The following MYO19 variants were observed in gnomAD, a reference collection of about 807,000 sequenced individuals.
The protein encoded by MYO19 is myosin XIX, also known as unconventional myosin-XIX.
Under a neutral mutation model 129.2 loss-of-function variants are expected in MYO19, and 132 were observed. That is an observed-to-expected ratio of 1.02 (90% confidence interval 0.89 to 1.18). The LOEUF is 1.18. MYO19 is among the 50% of genes most tolerant of loss of function. MYO19 has a pLI of 0.00. For synonymous variants in MYO19, 531 were observed against 477.2 expected (o/e 1.11, Z -1.47); for missense variants, 1,210 against 1,216.7 (o/e 0.99, Z 0.08).
chr17:36,505,201 G>T, intron 19 of MYO19, 96 bp downstream of exon 19: 1 of 1,097,688 alleles, frequency 9.1e-7, no homozygotes, highest in Non-Finnish European at 1.4e-6. Flanking sequence ...CCACTTCTGT[G>T]CACTCCATTT....
rs749638558 is a variant in MYO19 at position 36,515,845 on chromosome 17, A to C, written c.547+13T>G. ...ATGGGACTGAGATACTGTGCAAAGG[A>C]GCCCAAGCTCACCAAAAGCTTCCAT... On this transcript the variant is annotated intron_variant, in intron 7 of 25. Coordinates refer to ENST00000614623, the MANE Select transcript of MYO19 (RefSeq NM_001163735.2). 3.1e-5 allele frequency: 50 copies of C among 1,608,358 alleles called. No homozygotes were observed. The highest frequency in any genetic ancestry group is 3.9e-5 in the Non-Finnish European group (46 of 1,175,532).
intron 8 of MYO19, 71 bp downstream of exon 8, chr17:36,515,042 G>A: frequency 6.9e-7 from 1 of 1,457,258 alleles, no homozygotes; most frequent in Non-Finnish European, 9.4e-7. Context: ...GCCCAGGCCA[G>A]ATACTGCCCC....
At chr17:36,538,059 G>A (rs1342806827), upstream of MYO19, 31 of 1,614,144 alleles carry the variant, frequency 1.9e-5, no homozygotes, top group Non-Finnish European at 2.6e-5. Context: ...CATGGCTGGT[G>A]TGCAAACAGG....
At chr17:36,511,546 A>G in intron 11 of MYO19, 91 bp from the exon 12 acceptor site, 3 of 1,147,454 alleles carry the variant, frequency 2.6e-6, no homozygotes, top group Non-Finnish European at 3.8e-6. Context: ...CAATCACGAC[A>G]GCAGAAGGGC....
intron 9 of MYO19, 85 bp downstream of exon 9, chr17:36,514,361 G>A (rs962544746): frequency 5.8e-6 from 5 of 866,242 alleles, no homozygotes; most frequent in East Asian, 4.8e-5. Context: ...ACCAGGTATG[G>A]AGCATTCTGG....
intron 5 of MYO19, among the ~76,000 whole-genome samples, chr17:36,526,298 C>T (rs1283780971): frequency 3.3e-5 from 5 of 152,130 alleles, no homozygotes; most frequent in Non-Finnish European, 7.4e-5. Flanking sequence ...TCTCTGCCTG[C>T]TATGGTGCTT....
chr17:36,542,318 G>A (rs2142634250), intron 1 of MYO19: 1 of 152,274 alleles, frequency 6.6e-6, no homozygotes, highest in South Asian at 2.1e-4. Context: ...CCTGGCGTGT[G>A]TTCAGTAGTC....
chr17:36,504,245 G>C, intron 19 of MYO19: 3 of 498,038 alleles, frequency 6.0e-6, no homozygotes, highest in Non-Finnish European at 1.1e-5. Context: ...CCCCTCATCC[G>C]ACGCATGGCT....
In MYO19 at chr17:36,495,675, A is replaced by G. The variant is rs970360892; in HGVS notation, c.*576T>C. On this transcript the variant is annotated 3_prime_UTR_variant, in exon 26 of 26. Coordinates refer to ENST00000614623, the MANE Select transcript of MYO19 (RefSeq NM_001163735.2). The stretch of plus-strand genomic sequence containing the variant: ...TTTACTTTTGGTACAGTTGATAGAC[A>G]TCATAAACGATATCAAGCTTACACT... 4.7e-6 allele frequency: 6 copies of G among 1,272,114 alleles called. No homozygotes were observed. The highest frequency in any genetic ancestry group is 4.0e-6 in the Non-Finnish European group (4 of 1,011,888). 78.8% of individuals were successfully genotyped at this position (1,272,114 alleles called of 1,614,324 possible). A position where few individuals can be genotyped will look rare whatever the true frequency, so the allele number is the denominator to read the frequency against.
At chr17:36,518,492 A>G in intron 6 of MYO19, among the ~76,000 whole-genome samples, 9 of 3,346 alleles carry the variant, frequency 2.7e-3, no homozygotes, top group African/African-American at 7.7e-3. Flanking sequence ...CTCAGAGGAA[A>G]AAAAAAAAAA....
In MYO19 at chr17:36,523,028, A is replaced by C. The variant is rs568695770; in HGVS notation, c.414+2200T>G. ...CTCAAAAAAAAAAACAAAAAACAAA[A>C]AAAAAAAACTTTGCTGAGTGTGGTG... On this transcript the variant is annotated intron_variant, in intron 6 of 25. Coordinates refer to ENST00000614623, the MANE Select transcript of MYO19 (RefSeq NM_001163735.2). Among the ~76,000 whole-genome samples, 45 of 151,254 alleles carry C rather than the reference A, an allele frequency of 3.0e-4. 1 individual carries two copies. The highest frequency in any genetic ancestry group is 5.8e-4 in the East Asian group (3 of 5,166).
chr17:36,505,876 T>A (rs1567740905), intron 18 of MYO19, among the ~76,000 whole-genome samples: 1 of 152,172 alleles, frequency 6.6e-6, no homozygotes, highest in Admixed American at 6.5e-5. Flanking sequence ...CTCGGGGGTG[T>A]GTTTGAGGCT....
rs1478239726 is a variant in MYO19 at position 36,501,124 on chromosome 17, GC to G, written c.2191del (p.Ala731ProfsTer15). 1 of 1,613,938 alleles carries G rather than the reference GC, an allele frequency of 6.2e-7. No homozygotes were observed. Among genetic ancestry groups the G allele is most frequent in the African/African-American group, 1.3e-5 (1 of 74,952 alleles). On this transcript the variant is annotated frameshift_variant, in exon 22 of 26. Transcript: ENST00000614623. LOFTEE classifies it high-confidence loss of function. ...GCCACAGTGCATGGGGGCTGGCATGGCCTCAGCCGAGTCACCAGTTATGGCT... is the reference window on the plus strand; with the variant it reads ...GCCACAGTGCATGGGGGCTGGCATGGCTCAGCCGAGTCACCAGTTATGGCT... Reference protein sequence around the residue: ...AAAITGDSAEAMPAPMHCGRT... With the variant: ...AAAITGDSAEXMPAPMHCGRT...
intron 11 of MYO19, 39 bp from the exon 12 acceptor site, chr17:36,511,494 C>T (rs764076590): frequency 3.3e-5 from 50 of 1,534,468 alleles, no homozygotes; most frequent in East Asian, 4.9e-5. Flanking sequence ...TAGGAGAGGG[C>T]GTGACGTGGG....
chr17:36,517,859 TG>T (rs1166722244), intron 6 of MYO19, among the ~76,000 whole-genome samples: 4 of 148,060 alleles, frequency 2.7e-5, no homozygotes, highest in African/African-American at 7.5e-5. Context: ...GAGGCTGAGG[TG>T]GGTGGATTGC....
Position 36,532,532 on chromosome 17 carries a change from G to A in MYO19, c.7C>T (p.Gln3Ter). 6.4e-7 allele frequency: 1 copy of A among 1,554,986 alleles called. No homozygotes were observed. The highest frequency in any genetic ancestry group is 8.7e-7 in the Non-Finnish European group (1 of 1,148,780). Residue 3 changes from glutamine (Q) to a stop codon, truncating the protein, a stop_gained, in exon 3 of 26, where the codon CAG becomes TAG. Coordinates refer to ENST00000614623, the MANE Select transcript of MYO19 (RefSeq NM_001163735.2). LOFTEE classifies it high-confidence loss of function. ML[Q>*]QVNGHNPGSD... is the part of the protein sequence containing the mutation. The stretch of plus-strand genomic sequence containing the variant: ...ATCTAAGGTTGAGGTTTTACCTGCT[G>A]GAGCATCCTCCTTCAAAGTGGTCAG...
chr17:36,500,859 T>G lies in MYO19; in HGVS notation c.2348A>C (p.Gln783Pro). The change falls in exon 23 of 26, where the codon CAG becomes CCG. Residue 783 changes from glutamine to proline, a missense_variant. Gln to Pro is a moderately conservative substitution (Grantham distance 76). Coordinates refer to ENST00000614623, the MANE Select transcript of MYO19 (RefSeq NM_001163735.2). The stretch of plus-strand genomic sequence containing the variant: ...CTGGATGAGCATGACGGCCCGCCAC[T>G]GCCGCTCCTGCTCTCGGTGCCGGTG... ...RRHRHREQER[Q>P]WRAVMLIQAA... 1 of 1,604,076 alleles carries G rather than the reference T, an allele frequency of 6.2e-7. No individual in the cohort carries two copies.
chr17:36,535,576 C>A (rs2074091479), upstream of MYO19: 1 of 152,338 alleles, frequency 6.6e-6, no homozygotes, highest in Middle Eastern at 3.4e-3. Flanking sequence ...CTGCTGGGGG[C>A]GCCGGCACCA....
At chr17:36,526,209 A>T (rs144521850) in intron 5 of MYO19, among the ~76,000 whole-genome samples, 1 of 152,110 alleles carries the variant, frequency 6.6e-6, no homozygotes, top group East Asian at 1.9e-4. Context: ...TCTTGAACCC[A>T]ACTCCCACAG....
Sources: gnomAD v4.1 joint callset for allele counts (sites outside exome capture counted in the v4.1 genomes callset) on GRCh38, gnomAD v4.1.1 for gene constraint, MANE v1.5 for transcripts, NCBI Gene and HGNC (gene_info 2026-07-23, HGNC 2026-07-21) for gene names.